FGF12: variants seen among roughly 807,000 people sequenced by gnomAD.
FGF12 encodes the protein fibroblast growth factor 12.
In FGF12, 14 loss-of-function variants were observed where a neutral mutation model predicts 23.6. The observed-to-expected ratio is 0.59, with a 90% CI of 0.39 to 0.93. The LOEUF (loss-of-function observed/expected upper bound fraction) is 0.93. FGF12 is among the 40% of genes least tolerant of loss of function. FGF12 has a pLI of 0.00. For synonymous variants in FGF12, 62 were observed against 77.3 expected, an observed-to-expected ratio of 0.80 and a Z score of 1.04; for missense variants, 175 against 217.8, an observed-to-expected ratio of 0.80 and a Z score of 1.24.
At chr3:192,581,932 T>C (rs1713173815) in intron 2 of FGF12, among the ~76,000 whole-genome samples, 1 of 151,260 alleles carries the variant, frequency 6.6e-6, no homozygotes, top group South Asian at 2.1e-4. Context: ...CTCTTCAGGG[T>C]ACTCAAATGT....
chr3:192,623,331 G>C (rs528616204), intron 2 of FGF12, among the ~76,000 whole-genome samples: 3 of 152,270 alleles, frequency 2.0e-5, no homozygotes, highest in African/African-American at 7.2e-5. Context: ...AACAGCTCTG[G>C]ATGGGATTTC....
intron 4 of FGF12, among the ~76,000 whole-genome samples, chr3:192,171,393 A>G (rs1715551766): frequency 6.6e-6 from 1 of 152,210 alleles, no homozygotes; most frequent in South Asian, 2.1e-4. Context: ...CCAAAAGGTC[A>G]CGTGATTAAT....
At chr3:192,605,691 A>G (rs1191290094) in intron 2 of FGF12, among the ~76,000 whole-genome samples, 4 of 152,214 alleles carry the variant, frequency 2.6e-5, no homozygotes, top group Non-Finnish European at 4.4e-5. Flanking sequence ...CAACAAAAAC[A>G]GAAAAATACA....
intron 4 of FGF12, among the ~76,000 whole-genome samples, chr3:192,303,784 G>A (rs1395439021): frequency 6.6e-6 from 1 of 152,188 alleles, no homozygotes; most frequent in African/African-American, 2.4e-5. Flanking sequence ...CTTAAAATAA[G>A]ATACATACAT....
At chr3:192,163,942 C>T (rs1715017962) in intron 5 of FGF12, among the ~76,000 whole-genome samples, 1 of 152,004 alleles carries the variant, frequency 6.6e-6, no homozygotes, top group Non-Finnish European at 1.5e-5. Context: ...ATGGATGGCT[C>T]TCAAATGATT....
chr3:192,508,915 G>C (rs1724391110), intron 2 of FGF12, among the ~76,000 whole-genome samples: 3 of 152,088 alleles, frequency 2.0e-5, no homozygotes, highest in African/African-American at 7.2e-5. Context: ...AATCAAGTAA[G>C]GGTTGTTGAA....
chr3:192,487,584 C>A (rs990249783), intron 2 of FGF12, among the ~76,000 whole-genome samples: 1 of 152,124 alleles, frequency 6.6e-6, no homozygotes, highest in South Asian at 2.1e-4. Flanking sequence ...ATTGCTGGAC[C>A]CTTTGAGGGG....
intron 4 of FGF12, among the ~76,000 whole-genome samples, chr3:192,182,236 T>C (rs1269813426): frequency 2.0e-5 from 3 of 148,680 alleles, no homozygotes; most frequent in Non-Finnish European, 4.5e-5. Context: ...GGAGCAGAGA[T>C]ATAAGAAATA....
At chr3:192,149,165 T>C (rs932705590) in intron 5 of FGF12, among the ~76,000 whole-genome samples, 2 of 152,120 alleles carry the variant, frequency 1.3e-5, no homozygotes, top group South Asian at 4.1e-4. Context: ...CCGACATGAG[T>C]GTATAAAGAA....
rs1229241471 is a variant in FGF12 at position 192,460,556 on chromosome 3, C to A, written c.14-100018G>T. ...CAGAGTACACGTGCTCTGCAACCAGCAAGCACAGGCTACAGACGCTTTCCG... is the reference window on the plus strand; with the variant it reads ...CAGAGTACACGTGCTCTGCAACCAGAAAGCACAGGCTACAGACGCTTTCCG... On this transcript the variant is annotated intron_variant, in intron 2 of 5. Coordinates refer to ENST00000445105, the MANE Select transcript of FGF12 (RefSeq NM_004113.6). Among the ~76,000 whole-genome samples, 7 of 151,954 alleles carry A rather than the reference C, an allele frequency of 4.6e-5. No individual in the cohort carries two copies. In the East Asian group the frequency reaches 1.4e-3, roughly 29 times the overall value.
At chr3:192,382,197 C>T (rs946480656) in intron 2 of FGF12, among the ~76,000 whole-genome samples, 2 of 152,006 alleles carry the variant, frequency 1.3e-5, no homozygotes, top group African/African-American at 4.8e-5. Flanking sequence ...GTGGTTTCCC[C>T]GTGTTAGCCA....
intron 2 of FGF12, among the ~76,000 whole-genome samples, chr3:192,636,969 A>G (rs1198498439): frequency 6.6e-6 from 1 of 152,224 alleles, no homozygotes; most frequent in Non-Finnish European, 1.5e-5. Flanking sequence ...AGGAAGCCAA[A>G]GAGCTATGGG....
chr3:192,217,524 A>T (rs564390402), intron 4 of FGF12, among the ~76,000 whole-genome samples: 2 of 152,324 alleles, frequency 1.3e-5, no homozygotes, highest in South Asian at 2.1e-4. Context: ...CAACAAAATA[A>T]AAACACATGG....
chr3:192,688,411 G>C (rs1467131561), intron 2 of FGF12, among the ~76,000 whole-genome samples: 1 of 152,188 alleles, frequency 6.6e-6, no homozygotes, highest in South Asian at 2.1e-4. Context: ...AGTCTATAAA[G>C]TTTGGAAAAA....
At chr3:192,440,929 A>T (rs558650711) in intron 2 of FGF12, among the ~76,000 whole-genome samples, 3 of 152,338 alleles carry the variant, frequency 2.0e-5, no homozygotes, top group East Asian at 3.9e-4. Context: ...AGTTGAGTGC[A>T]AGCTCAATGA....
chr3:192,631,341 A>G (rs868119718), intron 2 of FGF12, among the ~76,000 whole-genome samples: 1 of 152,190 alleles, frequency 6.6e-6, no homozygotes, highest in Admixed American at 6.5e-5. Context: ...AGCATCCATC[A>G]CGACATCTAG....
intron 4 of FGF12, among the ~76,000 whole-genome samples, chr3:192,207,038 G>T (rs1223390702): frequency 6.6e-6 from 1 of 151,996 alleles, no homozygotes; most frequent in Admixed American, 6.5e-5. Context: ...ATATTATATT[G>T]GGAAAAAAAT....
intron 5 of FGF12, among the ~76,000 whole-genome samples, chr3:192,165,360 AT>A (rs560748677): frequency 3.2e-4 from 48 of 152,182 alleles, no homozygotes; most frequent in Admixed American, 9.2e-4. Context: ...GCTGTAATTT[AT>A]TTTTTCAATA....
chr3:192,619,366 G>T (rs1244420044), intron 2 of FGF12, among the ~76,000 whole-genome samples: 1 of 152,182 alleles, frequency 6.6e-6, no homozygotes, highest in Non-Finnish European at 1.5e-5. Context: ...AAAAGTGTGG[G>T]CAGGAACTGG....
Sources: allele counts gnomAD v4.1 joint callset (sites outside exome capture counted in the v4.1 genomes callset), GRCh38; gene constraint gnomAD v4.1.1; transcripts MANE v1.5; gene names NCBI Gene and HGNC (gene_info 2026-07-23, HGNC 2026-07-21).